TENM3: variants seen among roughly 807,000 people sequenced by gnomAD.
TENM3 encodes teneurin-3.
TENM3 carries 63 observed loss-of-function variants against 255.1 expected under a neutral mutation model. That is an observed-to-expected ratio of 0.25 (90% CI 0.20 to 0.30). The LOEUF (loss-of-function observed/expected upper bound fraction) is 0.30, where lower values mean the gene tolerates loss of function less well. Ranked by LOEUF, TENM3 falls within the 10% of genes least tolerant of loss-of-function variation. The probability of loss-of-function intolerance (pLI) is 1.00; values close to 1 mark genes in which losing one functional copy is unlikely to be tolerated. For missense variants in TENM3, 2,929 were observed against 3,461.1 expected (o/e 0.85, Z 3.86); for synonymous variants, 1,306 against 1,322.3 (o/e 0.99, Z 0.27).
chr4:181,691,241 G>GTC, the TENM3 span, among the ~76,000 whole-genome samples: 1 of 151,276 alleles, frequency 6.6e-6, no homozygotes, highest in Admixed American at 6.6e-5. Flanking sequence ...GATCTTGTGT[G>GTC]TGTGTGTGTG....
At chr4:181,928,061 G>T in the TENM3 span, among the ~76,000 whole-genome samples, 1 of 152,056 alleles carries the variant, frequency 6.6e-6, no homozygotes, top group Non-Finnish European at 1.5e-5. Flanking sequence ...ATAAATCCAC[G>T]AAGATGAGGA....
At chr4:182,606,009 C>T (rs756433645) in intron 4 of TENM3, among the ~76,000 whole-genome samples, 2 of 152,066 alleles carry the variant, frequency 1.3e-5, no homozygotes, top group African/African-American at 2.4e-5. Flanking sequence ...AGAAATCAAA[C>T]GAGAAAGGCA....
chr4:182,149,782 T>C (rs1750213490), intron 1 of TENM3, among the ~76,000 whole-genome samples: 1 of 152,058 alleles, frequency 6.6e-6, no homozygotes, highest in African/African-American at 2.4e-5. Flanking sequence ...TTATATTCTT[T>C]TTTGTAAGTT....
chr4:181,834,069 A>T, the TENM3 span, among the ~76,000 whole-genome samples: 1 of 152,082 alleles, frequency 6.6e-6, no homozygotes, highest in Admixed American at 6.6e-5. Flanking sequence ...AGATTCATAC[A>T]TGCAGCAGGA....
the TENM3 span, among the ~76,000 whole-genome samples, chr4:181,736,794 G>T: frequency 6.6e-6 from 1 of 151,910 alleles, no homozygotes; most frequent in Non-Finnish European, 1.5e-5. Flanking sequence ...TCACCAAATG[G>T]ATACATAAAA....
At chr4:182,542,589 GCTTTATGGAAGGGTTTTTATTAAACTCT>G (rs376021850) in intron 3 of TENM3, among the ~76,000 whole-genome samples, 193 of 152,182 alleles carry the variant, frequency 1.3e-3, no homozygotes, top group African/African-American at 4.5e-3. Flanking sequence ...TGGGAGCCTT[GCTTTATGGAAGGGTTTTTATTAAACTCT>G]CTACTTTCAA....
chr4:182,160,062 G>C (rs1401147258), intron 1 of TENM3, among the ~76,000 whole-genome samples: 7 of 148,966 alleles, frequency 4.7e-5, no homozygotes, highest in Non-Finnish European at 1.1e-4. Context: ...GAGTGCAGCG[G>C]TGCGATCTCG....
chr4:181,992,694 G>T, the TENM3 span, among the ~76,000 whole-genome samples: 1 of 151,978 alleles, frequency 6.6e-6, no homozygotes, highest in Non-Finnish European at 1.5e-5. Flanking sequence ...AAATGGGGAG[G>T]CAATGGCTGT....
chr4:181,594,635 C>T, the TENM3 span, among the ~76,000 whole-genome samples: 1 of 152,194 alleles, frequency 6.6e-6, no homozygotes, highest in Admixed American at 6.5e-5. Flanking sequence ...TAAGCAGCCT[C>T]AACGGGTTCC....
At position 182,596,298 on chromosome 4, in the gene TENM3, A is replaced by C. The variant is rs111322201; in HGVS notation, c.512-4626A>C. Among the ~76,000 whole-genome samples, 756 of 152,346 alleles carry C rather than the reference A, an allele frequency of 5.0e-3. 9 individuals are homozygous for C. Among genetic ancestry groups the C allele is most frequent in the South Asian group, 0.025 (120 of 4,826 alleles). ...ATTCTTCACAAATAGTCATTCATTC[A>C]ACAAGTATTTATTGAGTGTCTGCCC... On this transcript the variant is annotated intron_variant, in intron 3 of 27. Transcript: ENST00000511685.
At chr4:182,621,008 C>T (rs942096304) in intron 4 of TENM3, among the ~76,000 whole-genome samples, 5 of 152,092 alleles carry the variant, frequency 3.3e-5, no homozygotes, top group African/African-American at 7.2e-5. Flanking sequence ...AGTGAAACCT[C>T]GTCTCTACTG....
At chr4:181,590,957 G>C in the TENM3 span, among the ~76,000 whole-genome samples, 1 of 152,088 alleles carries the variant, frequency 6.6e-6, no homozygotes. Flanking sequence ...AACATTTTTT[G>C]ATATAAATAA....
the TENM3 span, among the ~76,000 whole-genome samples, chr4:181,456,127 A>ATATGTGTGTGTG: frequency 2.8e-5 from 4 of 141,742 alleles, no homozygotes; most frequent in East Asian, 2.0e-4. Flanking sequence ...ATATATATAT[A>ATATGTGTGTGTG]TGTGTGTGTG....
At chr4:181,558,962 T>C in the TENM3 span, among the ~76,000 whole-genome samples, 1 of 152,178 alleles carries the variant, frequency 6.6e-6, no homozygotes, top group Non-Finnish European at 1.5e-5. Context: ...TTACTGTAAA[T>C]ATGTTGATGT....
the TENM3 span, among the ~76,000 whole-genome samples, chr4:182,076,975 C>T: frequency 6.6e-6 from 1 of 152,176 alleles, no homozygotes; most frequent in Non-Finnish European, 1.5e-5. Context: ...AATAAATGTT[C>T]ATTAGAGGAT....
chr4:182,640,923 C>T (rs1752246338), intron 5 of TENM3, among the ~76,000 whole-genome samples: 1 of 152,176 alleles, frequency 6.6e-6, no homozygotes, highest in African/African-American at 2.4e-5. Context: ...AGATGAGACA[C>T]TCATGGGAGA....
At chr4:181,865,677 GT>G in the TENM3 span, among the ~76,000 whole-genome samples, 59 of 152,176 alleles carry the variant, frequency 3.9e-4, no homozygotes, top group Non-Finnish European at 6.0e-4. Context: ...AGAAATAACC[GT>G]TTTTTTCCAC....
At chr4:181,582,003 G>T in the TENM3 span, among the ~76,000 whole-genome samples, 3 of 152,176 alleles carry the variant, frequency 2.0e-5, no homozygotes, top group Non-Finnish European at 4.4e-5. Context: ...AAAGTGCTGG[G>T]ATTACAGGCA....
At chr4:182,785,369 G>A (rs1765557976) in intron 24 of TENM3, among the ~76,000 whole-genome samples, 2 of 151,700 alleles carry the variant, frequency 1.3e-5, no homozygotes, top group Non-Finnish European at 2.9e-5. Flanking sequence ...ACCCCTCCCG[G>A]TCTTAACCTG....
Sources: gnomAD v4.1 joint callset for allele counts (sites outside exome capture counted in the v4.1 genomes callset) on GRCh38, gnomAD v4.1.1 for gene constraint, MANE v1.5 for transcripts, NCBI Gene and HGNC (gene_info 2026-07-23, HGNC 2026-07-21) for gene names.